BATF3: variants seen among roughly 807,000 people sequenced by gnomAD.
The protein encoded by BATF3 is basic leucine zipper ATF-like transcription factor 3.
Under a neutral mutation model 16.1 loss-of-function variants are expected in BATF3, and 8 were observed. The ratio of observed to expected loss-of-function variants is 0.50; its 90% CI spans 0.29 to 0.90. The LOEUF (loss-of-function observed/expected upper bound fraction) is 0.90. Ranked by LOEUF, BATF3 falls within the 40% of genes least tolerant of loss-of-function variation. BATF3 has a pLI of 0.08. For missense variants in BATF3, 139 were observed against 167.0 expected (o/e 0.83, Z 0.92); for synonymous variants, 74 against 72.7 (o/e 1.02, Z -0.09).
intron 2 of BATF3, among the ~76,000 whole-genome samples, chr1:212,688,065 GAA>G (rs66526753): frequency 3.6e-5 from 5 of 139,972 alleles, no homozygotes; most frequent in East Asian, 2.1e-4. Context: ...AGAGAGAAAA[GAA>G]AAAAAAAAAG....
intron 1 of BATF3, chr1:212,697,269 C>T (rs950878017): frequency 1.2e-5 from 6 of 514,872 alleles, no homozygotes; most frequent in African/African-American, 3.9e-5. Context: ...GTGGTGTGAC[C>T]GCCGTTTAAA....
In BATF3 at chr1:212,699,254, G is replaced by A. The variant is rs1033369508; in HGVS notation, c.90+419C>T. Among the ~76,000 whole-genome samples, 9 of 130,506 alleles carry A rather than the reference G, an allele frequency of 6.9e-5. No homozygotes were observed. The highest frequency in any genetic ancestry group is 8.6e-5 in the Non-Finnish European group (5 of 58,232). The allele number at this position is 130,506 out of a possible 152,430, so 85.6% of individuals were successfully genotyped here. A position where few individuals can be genotyped will look rare whatever the true frequency, so the allele number is the denominator to read the frequency against. ...TCCGGCGTTCTCCATTCCCGCGGCAGCACCCCCCCCACCCGGGGGAATCCT... is the reference window on the plus strand; with the variant it reads ...TCCGGCGTTCTCCATTCCCGCGGCAACACCCCCCCCACCCGGGGGAATCCT... On this transcript the variant is annotated intron_variant, in intron 1 of 2. Coordinates refer to ENST00000243440, the MANE Select transcript of BATF3 (RefSeq NM_018664.3). The surrounding 1 kb of genome is among the most constrained non-coding windows in gnomAD (Gnocchi z 4.4).
At chr1:212,688,396 C>A (rs912570480) in intron 2 of BATF3, among the ~76,000 whole-genome samples, 3 of 152,244 alleles carry the variant, frequency 2.0e-5, no homozygotes, top group Non-Finnish European at 2.9e-5. Context: ...GTGCTGGGCC[C>A]AAGCCGCTGA....
chr1:212,690,095 A>C (rs1283921276), intron 2 of BATF3, among the ~76,000 whole-genome samples: 1 of 152,020 alleles, frequency 6.6e-6, no homozygotes, highest in Non-Finnish European at 1.5e-5. Flanking sequence ...CACACACTCC[A>C]CCCTGCAGCA....
chr1:212,687,137 T>A (rs1656867922), intron 2 of BATF3, among the ~76,000 whole-genome samples, 158 bp from the exon 3 acceptor site: 3 of 152,178 alleles, frequency 2.0e-5, no homozygotes, highest in Admixed American at 1.3e-4. Flanking sequence ...TTGATGAGTG[T>A]CTCCCCCCTC....
At chr1:212,688,545 T>C (rs749383748) in intron 2 of BATF3, among the ~76,000 whole-genome samples, 17 of 152,212 alleles carry the variant, frequency 1.1e-4, no homozygotes, top group East Asian at 1.9e-4. Flanking sequence ...CATTCCTTAT[T>C]TGGACATCTT....
chr1:212,690,322 C>G (rs1192790105), intron 2 of BATF3, among the ~76,000 whole-genome samples: 3 of 152,216 alleles, frequency 2.0e-5, no homozygotes, highest in African/African-American at 7.2e-5. Flanking sequence ...TGAGGCTTCC[C>G]TGAGGTCCAC....
At position 212,692,698 on chromosome 1, in the gene BATF3, A is replaced by G. The variant is rs189579410; in HGVS notation, c.195+4263T>C. Among the ~76,000 whole-genome samples, 596 of 152,324 alleles carry G rather than the reference A, an allele frequency of 3.9e-3. 4 individuals carry two copies. The highest frequency in any genetic ancestry group is 7.1e-3 in the Non-Finnish European group (483 of 68,012). ...AGTGATCCACCCGCCTCAGCCTCCC[A>G]AAGTGCTGGGATTACAGGCACGAGC... On this transcript the variant is annotated intron_variant, in intron 2 of 2. Transcript: ENST00000243440.
Position 212,686,934 on chromosome 1 carries a change from T to C in BATF3, c.241A>G (p.Ile81Val). Residue 81 changes from isoleucine to valine, a missense_variant, in exon 3 of 3, where the codon ATC (isoleucine) becomes GTC (valine). Transcript: ENST00000243440. ...TTCAGCTCCTCTGTCAGCTTCCCGA[T>C]CTCTCTCCGCAGCATGGTGTTTTCT... Reference protein sequence around the residue: ...EQENTMLRREIGKLTEELKHL... With the variant: ...EQENTMLRREVGKLTEELKHL... The C allele has an allele frequency of 6.2e-7, 1 of 1,613,898 alleles. No homozygotes were observed. Among genetic ancestry groups the C allele is most frequent in the Non-Finnish European group, 8.5e-7 (1 of 1,179,770 alleles).
At chr1:212,695,541 G>A (rs542501937) in intron 2 of BATF3, among the ~76,000 whole-genome samples, 2 of 148,940 alleles carry the variant, frequency 1.3e-5, no homozygotes, top group Admixed American at 6.7e-5. Context: ...GGGCTGAGGG[G>A]ATGAGGTGGG....
chr1:212,694,510 C>T (rs1452131557), intron 2 of BATF3, among the ~76,000 whole-genome samples: 2 of 152,274 alleles, frequency 1.3e-5, no homozygotes, highest in East Asian at 1.9e-4. Context: ...ATATTGTCCT[C>T]CAGATACGTA....
At chr1:212,687,265 C>G (rs1458141517) in intron 2 of BATF3, among the ~76,000 whole-genome samples, 1 of 152,190 alleles carries the variant, frequency 6.6e-6, no homozygotes, top group African/African-American at 2.4e-5. Flanking sequence ...ATACACGGAA[C>G]ATTTCAATCA....
At chr1:212,697,236 C>T (rs1013355538) in intron 1 of BATF3, 171 bp from the exon 2 acceptor site, 1 of 594,506 alleles carries the variant, frequency 1.7e-6, no homozygotes, top group Non-Finnish European at 3.0e-6. Flanking sequence ...CAGGAGCACT[C>T]ACCATGTGAG....
chr1:212,690,819 GA>G (rs1656983316), intron 2 of BATF3, among the ~76,000 whole-genome samples: 2 of 152,242 alleles, frequency 1.3e-5, no homozygotes, highest in Admixed American at 1.3e-4. Flanking sequence ...CTAAAAATTA[GA>G]GGTGGTGAAA....
intron 2 of BATF3, among the ~76,000 whole-genome samples, chr1:212,695,471 G>A (rs1447038936): frequency 1.5e-5 from 2 of 135,608 alleles, no homozygotes; most frequent in Non-Finnish European, 3.1e-5. Flanking sequence ...TCCAGCCTGG[G>A]CAAACAGAGA....
chr1:212,697,209 C>T (rs1657153794), intron 1 of BATF3, 144 bp from the exon 2 acceptor site: 1 of 634,664 alleles, frequency 1.6e-6, no homozygotes, highest in South Asian at 1.9e-5. Flanking sequence ...CCAATGGGCT[C>T]ACAACAGCCC....
chr1:212,687,020 G>A (rs372957130), intron 2 of BATF3, 41 bp from the exon 3 acceptor site: 14 of 1,325,222 alleles, frequency 1.1e-5, no homozygotes, highest in South Asian at 2.3e-5. Context: ...CTGGTGCAGC[G>A]TTCCCTTCCT....
At chr1:212,694,310 A>G (rs968655240) in intron 2 of BATF3, among the ~76,000 whole-genome samples, 1 of 152,222 alleles carries the variant, frequency 6.6e-6, no homozygotes, top group Non-Finnish European at 1.5e-5. Flanking sequence ...TGTTGTTTTA[A>G]GCCACCAAAT....
intron 1 of BATF3, chr1:212,698,136 T>C (rs886730836): frequency 2.0e-5 from 3 of 152,168 alleles, no homozygotes; most frequent in Admixed American, 6.5e-5. Context: ...ATAACATACA[T>C]AGCAAATAGA....
Sources: gnomAD v4.1 joint callset for allele counts (sites outside exome capture counted in the v4.1 genomes callset) on GRCh38, gnomAD v4.1.1 for gene constraint, Gnocchi (gnomAD v3.1) non-coding constraint, MANE v1.5 for transcripts, NCBI Gene and HGNC (gene_info 2026-07-23, HGNC 2026-07-21) for gene names.